Variants in HEATR4 observed in about 807,000 individuals in gnomAD.
HEATR4 encodes the protein HEAT repeat-containing protein 4.
In HEATR4, 95 loss-of-function variants were observed where a neutral mutation model predicts 108.8. The observed-to-expected ratio is 0.87, with a 90% CI of 0.74 to 1.04. The LOEUF (loss-of-function observed/expected upper bound fraction) is 1.04, where lower values mean the gene tolerates loss of function less well. HEATR4 is among the 50% of genes least tolerant of loss of function. The pLI is 0.00. For synonymous variants in HEATR4, 443 were observed against 459.4 expected, an observed-to-expected ratio of 0.96 and a Z score of 0.46; for missense variants, 1,152 against 1,253.8, an observed-to-expected ratio of 0.92 and a Z score of 1.23.
At chr14:73,571,809 A>T in the HEATR4 span, 1 of 152,120 alleles carries the variant, frequency 6.6e-6, no homozygotes, top group African/African-American at 2.4e-5. Context: ...GTATGTTAAG[A>T]TTTATGTAAA....
intron 1 of HEATR4, among the ~76,000 whole-genome samples, chr14:73,542,580 AT>A (rs1325095148): frequency 3.1e-5 from 3 of 98,054 alleles, no homozygotes; most frequent in Non-Finnish European, 6.4e-5. Context: ...TAATTTTTGT[AT>A]TTTTAGTAGA....
chr14:73,596,979 C>A, the HEATR4 span, among the ~76,000 whole-genome samples: 1 of 152,018 alleles, frequency 6.6e-6, no homozygotes, highest in Non-Finnish European at 1.5e-5. Flanking sequence ...AGACATCAAG[C>A]CACATATTCA....
At chr14:73,582,859 C>G in the HEATR4 span, 1 of 152,132 alleles carries the variant, frequency 6.6e-6, no homozygotes, top group African/African-American at 2.4e-5. Flanking sequence ...GTATACAGTC[C>G]ATTCTGCATG....
intron 17 of HEATR4, among the ~76,000 whole-genome samples, chr14:73,488,255 G>T (rs1462612086): frequency 6.6e-6 from 1 of 152,146 alleles, no homozygotes; most frequent in Non-Finnish European, 1.5e-5. Flanking sequence ...CATGATGGTG[G>T]TTGAGTTCTC....
chr14:73,497,180 G>A (rs1319162042), intron 14 of HEATR4, among the ~76,000 whole-genome samples: 1 of 152,140 alleles, frequency 6.6e-6, no homozygotes, highest in Non-Finnish European at 1.5e-5. Context: ...ACAGGTGTGA[G>A]CCACTGCACC....
intron 17 of HEATR4, among the ~76,000 whole-genome samples, chr14:73,484,721 T>G (rs1885380307): frequency 6.6e-6 from 1 of 151,954 alleles, no homozygotes; most frequent in African/African-American, 2.4e-5. Context: ...ATGAAAATTC[T>G]TCTATAACAA....
intron 1 of HEATR4, among the ~76,000 whole-genome samples, chr14:73,548,823 T>C (rs1889276503): frequency 8.7e-6 from 1 of 114,466 alleles, no homozygotes; most frequent in African/African-American, 2.8e-5. Context: ...CATGAACCAC[T>C]GTGCCAACCC....
the HEATR4 span, chr14:73,569,133 G>A: frequency 3.1e-6 from 4 of 1,285,684 alleles, no homozygotes; most frequent in East Asian, 9.3e-5. Flanking sequence ...AAGTTCCAGT[G>A]TGTCTATATT....
chr14:73,616,875 C>T, the HEATR4 span: 2 of 572,454 alleles, frequency 3.5e-6, no homozygotes, highest in South Asian at 4.8e-5. Flanking sequence ...GAAAATAAGA[C>T]ATTTTGTTCT....
chr14:73,627,654 T>C, the HEATR4 span, among the ~76,000 whole-genome samples: 2 of 152,172 alleles, frequency 1.3e-5, no homozygotes, highest in African/African-American at 4.8e-5. Flanking sequence ...CCTCCATGTG[T>C]TCAGCTATCC....
chr14:73,541,524 G>C, intron 1 of HEATR4: 1 of 1,245,060 alleles, frequency 8.0e-7, no homozygotes, highest in Non-Finnish European at 1.1e-6. Context: ...TTGTGGACAT[G>C]TTCGGAACTG....
chr14:73,612,580 G>A, the HEATR4 span: 3 of 1,401,198 alleles, frequency 2.1e-6, no homozygotes, highest in Non-Finnish European at 1.9e-6. Context: ...GGATGGCAGC[G>A]ACGCTGATCC....
rs1397554790 is a variant in HEATR4 at position 73,534,005 on chromosome 14, C to A, written c.-151-3761G>T. ...GAGGAGGTGGGAGGATCCTTTGAAC[C>A]CAGGAGTTCAAGGCTGCAATGAACC... On this transcript the variant is annotated intron_variant, in intron 1 of 17. Transcript: ENST00000553558. 1.8e-5 allele frequency among the ~76,000 whole-genome samples: 2 copies of A among 111,774 alleles called. 1 individual carries two copies. The highest frequency in any genetic ancestry group is 3.9e-5 in the Non-Finnish European group (2 of 51,632). The allele number at this position is 111,774 out of a possible 152,430, so 73.3% of individuals were successfully genotyped here. A position where few individuals can be genotyped will look rare whatever the true frequency, so the allele number is the denominator to read the frequency against.
intron 17 of HEATR4, chr14:73,491,752 T>A (rs745415083): frequency 3.2e-6 from 5 of 1,559,936 alleles, no homozygotes; most frequent in Non-Finnish European, 4.3e-6. Flanking sequence ...TCTCTACCGC[T>A]GACCTGGATT....
the HEATR4 span, among the ~76,000 whole-genome samples, chr14:73,627,681 C>G: frequency 6.6e-6 from 1 of 152,184 alleles, no homozygotes. Context: ...TCTCTGAACC[C>G]ATTTCTGGGT....
chr14:73,543,140 G>T, intron 1 of HEATR4: 1 of 1,602,872 alleles, frequency 6.2e-7, no homozygotes, highest in Non-Finnish European at 8.5e-7. Context: ...CATCACGGCT[G>T]CTGTCGTCAT....
In HEATR4 at chr14:73,522,889, A is replaced by G. The variant is rs747602273; in HGVS notation, c.264T>C (p.Tyr88=). 6.8e-6 allele frequency: 11 copies of G among 1,614,054 alleles called. No homozygotes were observed. The South Asian group carries it at 1.1e-4, about 16-fold the overall frequency. The stretch of plus-strand genomic sequence containing the variant: ...AGAGGTGGTCAAAGCTGTACTGGCT[A>G]TAAGGAATGCTGGGCAGGCCTCGCT... ...VWQRGLPSIP[Y]SQYSFDHLYN... The change falls in exon 3 of 18, where the codon TAT becomes TAC. Residue 88 remains tyrosine (Y), a synonymous_variant. Coordinates refer to ENST00000553558, the MANE Select transcript of HEATR4 (RefSeq NM_001220484.1).
the HEATR4 span, among the ~76,000 whole-genome samples, chr14:73,587,596 T>A: frequency 1.3e-5 from 2 of 152,212 alleles, no homozygotes; most frequent in Non-Finnish European, 2.9e-5. Context: ...CCTCAAGTGA[T>A]CTGCCCGCCT....
the HEATR4 span, among the ~76,000 whole-genome samples, chr14:73,632,621 A>G: frequency 6.6e-6 from 1 of 152,002 alleles, no homozygotes; most frequent in Non-Finnish European, 1.5e-5. Flanking sequence ...AGGCAGGGGG[A>G]TCACCTGAGG....
Sources: gnomAD v4.1 joint callset for allele counts (sites outside exome capture counted in the v4.1 genomes callset) on GRCh38, gnomAD v4.1.1 for gene constraint, MANE v1.5 for transcripts, NCBI Gene and HGNC (gene_info 2026-07-23, HGNC 2026-07-21) for gene names.